The following DAPP1 variants were observed in gnomAD, a reference collection of about 807,000 sequenced individuals.
DAPP1 encodes the protein dual adaptor of phosphotyrosine and 3-phosphoinositides 1, also known as dual adapter for phosphotyrosine and 3-phosphotyrosine and 3-phosphoinositide.
DAPP1 carries 20 observed loss-of-function variants against 41.5 expected under a neutral mutation model. That is an observed-to-expected ratio of 0.48 (90% CI 0.34 to 0.70). The LOEUF (loss-of-function observed/expected upper bound fraction) is 0.70. Ranked by LOEUF, DAPP1 falls within the 30% of genes least tolerant of loss-of-function variation. The pLI is 0.01. For synonymous variants in DAPP1, 113 were observed against 116.2 expected, an observed-to-expected ratio of 0.97 and a Z score of 0.18; for missense variants, 233 against 333.4, an observed-to-expected ratio of 0.70 and a Z score of 2.35.
intron 6 of DAPP1, 75 bp from the exon 7 acceptor site, chr4:99,863,695 A>AT (rs1724318931): frequency 1.1e-5 from 10 of 940,144 alleles, no homozygotes; most frequent in Non-Finnish European, 1.6e-5. Flanking sequence ...TGTGAGGGGA[A>AT]TAAGTGAGGG....
At position 99,817,147 on chromosome 4, in the gene DAPP1, C is replaced by T. The variant is rs554977615; in HGVS notation, c.101+133C>T. The T allele has an allele frequency of 8.4e-6, 5 of 593,106 alleles. No homozygotes were observed. In the South Asian group the frequency reaches 9.8e-5, roughly 12 times the overall value. 36.7% of individuals were successfully genotyped at this position (593,106 alleles called of 1,614,324 possible). A position where few individuals can be genotyped will look rare whatever the true frequency, so the allele number is the denominator to read the frequency against. On this transcript the variant is annotated intron_variant, in intron 1 of 8. Coordinates refer to ENST00000512369, the MANE Select transcript of DAPP1 (RefSeq NM_014395.3). The stretch of plus-strand genomic sequence containing the variant: ...GCCACCTCAACCATTTATTTTTTTC[C>T]ACTTTATTCATTTGTATCTGTTAAG...
At chr4:99,848,701 C>T (rs1723755769) in intron 3 of DAPP1, among the ~76,000 whole-genome samples, 3 of 152,134 alleles carry the variant, frequency 2.0e-5, no homozygotes. Flanking sequence ...AGAAGTGTAC[C>T]TCCGCTCAGC....
chr4:99,861,786 A>G (rs893950061), intron 5 of DAPP1, among the ~76,000 whole-genome samples, 161 bp downstream of exon 5: 1 of 152,212 alleles, frequency 6.6e-6, no homozygotes, highest in South Asian at 2.1e-4. Context: ...TTTATGGCTC[A>G]TTAGTCAAAA....
At chr4:99,856,823 G>A (rs886329456) in intron 4 of DAPP1, among the ~76,000 whole-genome samples, 3 of 152,152 alleles carry the variant, frequency 2.0e-5, no homozygotes, top group Non-Finnish European at 4.4e-5. Context: ...GTGCTGAGCC[G>A]AAGTTCCCAA....
rs977725692 is a variant in DAPP1 at position 99,835,563 on chromosome 4, G to C, written c.102-60G>C. On this transcript the variant is annotated intron_variant, in intron 1 of 8. Coordinates refer to ENST00000512369, the MANE Select transcript of DAPP1 (RefSeq NM_014395.3). Reference sequence around the variant, plus strand: ...AGGTAATCTTTGCAAGGAAAAGCCAGTGCAGGGGGAGTCATGCCATGGTTT... The same window carrying C: ...AGGTAATCTTTGCAAGGAAAAGCCACTGCAGGGGGAGTCATGCCATGGTTT... 3 of 1,593,272 alleles carry C rather than the reference G, an allele frequency of 1.9e-6. No individual in the cohort carries two copies. In the African/African-American group the frequency reaches 4.0e-5, roughly 21 times the overall value.
chr4:99,858,209 G>A (rs1028452367), intron 4 of DAPP1, among the ~76,000 whole-genome samples: 1 of 152,192 alleles, frequency 6.6e-6, no homozygotes, highest in Admixed American at 6.5e-5. Context: ...TCAAGCACAA[G>A]TTGCACTTAT....
intron 4 of DAPP1, among the ~76,000 whole-genome samples, chr4:99,853,560 G>A (rs1723943070): frequency 6.6e-6 from 1 of 152,218 alleles, no homozygotes; most frequent in South Asian, 2.1e-4. Flanking sequence ...GGTGGTTCAT[G>A]CCTGTAATCC....
chr4:99,860,475 T>C (rs1235745398), intron 4 of DAPP1, among the ~76,000 whole-genome samples: 1 of 152,208 alleles, frequency 6.6e-6, no homozygotes, highest in African/African-American at 2.4e-5. Flanking sequence ...TTAAAATAAA[T>C]CACACCAATT....
Position 99,835,486 on chromosome 4 carries a change from T to C in DAPP1, c.102-137T>C, listed in dbSNP as rs1723268571. 4.1e-6 allele frequency: 5 copies of C among 1,233,204 alleles called. No homozygotes were observed. In the East Asian group the frequency reaches 1.2e-4, roughly 29 times the overall value. The allele number at this position is 1,233,204 out of a possible 1,614,324, so 76.4% of individuals were successfully genotyped here. ...CCACCCAGGGATTTCCTTGTCCTAA[T>C]GTTGGGGCTGAGAGCTGGGTCTCTG... is the stretch of plus-strand genomic sequence containing the variant. On this transcript the variant is annotated intron_variant, in intron 1 of 8. Transcript: ENST00000512369.
At chr4:99,833,402 C>A (rs1246948139) in intron 1 of DAPP1, among the ~76,000 whole-genome samples, 2 of 152,176 alleles carry the variant, frequency 1.3e-5, no homozygotes, top group South Asian at 4.1e-4. Flanking sequence ...TGCTAAGAAA[C>A]ATGCATTAGG....
chr4:99,846,330 A>G (rs952324338), intron 3 of DAPP1, among the ~76,000 whole-genome samples: 2 of 152,158 alleles, frequency 1.3e-5, no homozygotes, highest in African/African-American at 2.4e-5. Context: ...CTAAGTTTCA[A>G]CTCCAGCCTC....
At chr4:99,821,736 AGTACAT>A (rs1722782315) in intron 1 of DAPP1, among the ~76,000 whole-genome samples, 2 of 152,208 alleles carry the variant, frequency 1.3e-5, no homozygotes, top group African/African-American at 4.8e-5. Context: ...TTACTATACT[AGTACAT>A]GTTCATAGTT....
intron 4 of DAPP1, among the ~76,000 whole-genome samples, chr4:99,856,592 G>C (rs546279377): frequency 9.2e-5 from 14 of 152,280 alleles, no homozygotes; most frequent in Non-Finnish European, 1.2e-4. Flanking sequence ...AGAAATATGA[G>C]TGTTTCTGTT....
intron 4 of DAPP1, among the ~76,000 whole-genome samples, chr4:99,855,030 A>G (rs763834924): frequency 7.9e-5 from 12 of 152,322 alleles, no homozygotes; most frequent in Middle Eastern, 3.4e-3. Flanking sequence ...TGAGAAAGTT[A>G]TTTTGGCTTT....
intron 1 of DAPP1, among the ~76,000 whole-genome samples, chr4:99,834,363 T>C (rs190218768): frequency 4.6e-4 from 70 of 152,246 alleles, no homozygotes; most frequent in Non-Finnish European, 9.3e-4. Flanking sequence ...AAAACATGTT[T>C]TGCTATGTCT....
intron 3 of DAPP1, among the ~76,000 whole-genome samples, chr4:99,852,914 G>A (rs1157748057): frequency 6.6e-6 from 1 of 152,050 alleles, no homozygotes; most frequent in Non-Finnish European, 1.5e-5. Context: ...GCAGTCTGGG[G>A]ATGATTATCA....
At chr4:99,820,003 AGCCT>A (rs1722711270) in intron 1 of DAPP1, among the ~76,000 whole-genome samples, 1 of 152,238 alleles carries the variant, frequency 6.6e-6, no homozygotes, top group Non-Finnish European at 1.5e-5. Flanking sequence ...ATAGAGTGTC[AGCCT>A]AAAATCATTA....
intron 6 of DAPP1, 94 bp from the exon 7 acceptor site, chr4:99,863,676 T>A (rs970293714): frequency 1.8e-5 from 14 of 799,280 alleles, no homozygotes; most frequent in Non-Finnish European, 2.8e-5. Flanking sequence ...TTGCACATAG[T>A]GGAAAACTTG....
At chr4:99,827,809 T>C (rs7687842) in intron 1 of DAPP1, among the ~76,000 whole-genome samples, 85,225 of 151,926 alleles carry the variant, frequency 0.56, 24,735 homozygotes, top group African/African-American at 0.72. Flanking sequence ...GATGAGTTCT[T>C]TGGGTGATAA....
Sources: allele counts gnomAD v4.1 joint callset (sites outside exome capture counted in the v4.1 genomes callset), GRCh38; gene constraint gnomAD v4.1.1; transcripts MANE v1.5; gene names NCBI Gene and HGNC (gene_info 2026-07-23, HGNC 2026-07-21).